AGFG1: variants seen among roughly 807,000 people sequenced by gnomAD.
The protein encoded by AGFG1 is ArfGAP with FG repeats 1.
AGFG1 carries 10 observed loss-of-function variants against 60.6 expected under a neutral mutation model. The ratio of observed to expected loss-of-function variants is 0.16; its 90% CI spans 0.10 to 0.28. The LOEUF is 0.28. Ranked by LOEUF, AGFG1 falls within the 10% of genes least tolerant of loss-of-function variation. The pLI is 1.00. For synonymous variants in AGFG1, 247 were observed against 242.9 expected, an observed-to-expected ratio of 1.02 and a Z score of -0.16; for missense variants, 537 against 676.5, an observed-to-expected ratio of 0.79 and a Z score of 2.29.
chr2:227,476,195 A>G (rs962992901), intron 1 of AGFG1, among the ~76,000 whole-genome samples: 5 of 152,232 alleles, frequency 3.3e-5, no homozygotes, highest in African/African-American at 1.2e-4. Flanking sequence ...ACTGAGGCAG[A>G]ATGATGAAGG....
Position 227,557,410 on chromosome 2 carries a change from G to GTA in AGFG1, c.*2916_*2917dup. The GTA allele has an allele frequency of 6.6e-6, 1 of 152,040 alleles. No homozygotes were observed. The highest frequency in any genetic ancestry group is 6.6e-5 in the Admixed American group (1 of 15,250). 9.4% of individuals were successfully genotyped at this position (152,040 alleles called of 1,614,324 possible). ...CCCCCCTGCACACACACCCACTTTA[G>GTA]TACAGTTCCTGTCAATTGGCAACAT... On this transcript the variant is annotated 3_prime_UTR_variant, in exon 13 of 13. Transcript: ENST00000310078.
Position 227,561,193 on chromosome 2 carries a change from T to C in AGFG1, c.*6698T>C, listed in dbSNP as rs560114136. ...ACTGTTGGAAGAATTTTTTTCAAAA[T>C]AAAGACTTCTGAATTTGTGTACCAT... On this transcript the variant is annotated 3_prime_UTR_variant, in exon 13 of 13. Coordinates refer to ENST00000310078, the MANE Select transcript of AGFG1 (RefSeq NM_004504.5). 1 of 152,284 alleles carries C rather than the reference T, an allele frequency of 6.6e-6. No individual in the cohort carries two copies. Among genetic ancestry groups the C allele is most frequent in the African/African-American group, 2.4e-5 (1 of 41,588 alleles). 9.4% of individuals were successfully genotyped at this position (152,284 alleles called of 1,614,324 possible).
At chr2:227,521,228 G>A (rs1691817228) in intron 3 of AGFG1, among the ~76,000 whole-genome samples, 1 of 152,092 alleles carries the variant, frequency 6.6e-6, no homozygotes, top group Admixed American at 6.5e-5. Context: ...ACCACGCCTG[G>A]CTAATTTTTT....
At chr2:227,530,831 C>T (rs1393202843) in intron 5 of AGFG1, among the ~76,000 whole-genome samples, 1 of 152,068 alleles carries the variant, frequency 6.6e-6, no homozygotes, top group Non-Finnish European at 1.5e-5. Flanking sequence ...TAGTACTGTG[C>T]TTGAGGTCAT....
Position 227,525,229 on chromosome 2 carries a change from A to G in AGFG1, c.694+314A>G, listed in dbSNP as rs565400870. Among the ~76,000 whole-genome samples the G allele has an allele frequency of 2.2e-4, 34 of 152,298 alleles. No homozygotes were observed. In the South Asian group the frequency reaches 6.6e-3, roughly 30 times the overall value. On this transcript the variant is annotated intron_variant, in intron 5 of 12. Transcript: ENST00000310078. ...ATACTCTAACGTTTATGTGCTAATC[A>G]CTCATGGCTAATCTTGTTTCATTTG...
intron 2 of AGFG1, among the ~76,000 whole-genome samples, chr2:227,496,233 A>C (rs1450314751): frequency 6.6e-6 from 1 of 152,164 alleles, no homozygotes; most frequent in Admixed American, 6.5e-5. Context: ...CTGGATTAAA[A>C]ACAAAACAAA....
At chr2:227,524,261 T>A (rs1369534996) in intron 4 of AGFG1, among the ~76,000 whole-genome samples, 1 of 152,086 alleles carries the variant, frequency 6.6e-6, no homozygotes, top group Non-Finnish European at 1.5e-5. Flanking sequence ...ATGGTGACCA[T>A]CAGAGTTAGA....
At chr2:227,486,882 T>C (rs552418029) in intron 1 of AGFG1, among the ~76,000 whole-genome samples, 1 of 152,330 alleles carries the variant, frequency 6.6e-6, no homozygotes, top group South Asian at 2.1e-4. Flanking sequence ...TGAAGGGTGC[T>C]ACTGACATTT....
intron 2 of AGFG1, among the ~76,000 whole-genome samples, chr2:227,511,344 A>T (rs1279476814): frequency 6.6e-6 from 1 of 152,178 alleles, no homozygotes. Context: ...GGGTTGGCAC[A>T]CTTTTTCTGT....
At chr2:227,477,104 G>A (rs1488055499) in intron 1 of AGFG1, among the ~76,000 whole-genome samples, 1 of 152,102 alleles carries the variant, frequency 6.6e-6, no homozygotes, top group East Asian at 1.9e-4. Context: ...GTTTCGCCAT[G>A]TTGGCCAGGC....
At position 227,557,765 on chromosome 2, in the gene AGFG1, C is replaced by G. The variant is rs888534817; in HGVS notation, c.*3270C>G. The G allele has an allele frequency of 2.0e-5, 3 of 152,172 alleles. No individual in the cohort carries two copies. The highest frequency in any genetic ancestry group is 4.4e-5 in the Non-Finnish European group (3 of 68,036). 9.4% of individuals were successfully genotyped at this position (152,172 alleles called of 1,614,324 possible). ...CAGTGAGATTTTCATGCTGCTTTTG[C>G]ATTCCAACTTAAAAATTACACAGCA... On this transcript the variant is annotated 3_prime_UTR_variant, in exon 13 of 13. Coordinates refer to ENST00000310078, the MANE Select transcript of AGFG1 (RefSeq NM_004504.5).
chr2:227,554,917 A>G lies in AGFG1; in HGVS notation c.*422A>G, dbSNP rs1692927872. On this transcript the variant is annotated 3_prime_UTR_variant, in exon 13 of 13. Transcript: ENST00000310078. ...TCATATATCTTGGAATGAATGACCT[A>G]AAATCATTTTAACCATTGCTACTGG... 2 of 153,490 alleles carry G rather than the reference A, an allele frequency of 1.3e-5. No individual in the cohort carries two copies. Among genetic ancestry groups the G allele is most frequent in the Admixed American group, 1.3e-4 (2 of 15,370 alleles). 9.5% of individuals were successfully genotyped at this position (153,490 alleles called of 1,614,324 possible). A position where few individuals can be genotyped will look rare whatever the true frequency, so the allele number is the denominator to read the frequency against.
In AGFG1 at chr2:227,475,488, C is replaced by A. The variant is rs758852408; in HGVS notation, c.167+2900C>A. 1.9e-4 allele frequency among the ~76,000 whole-genome samples: 29 copies of A among 152,068 alleles called. 1 individual carries two copies. The highest frequency in any genetic ancestry group is 3.7e-4 in the Non-Finnish European group (25 of 68,012). On this transcript the variant is annotated intron_variant, in intron 1 of 12. Transcript: ENST00000310078. The stretch of plus-strand genomic sequence containing the variant: ...TGTCTACTGCAGAACGTTGGAGGGA[C>A]AATAGCTTCTGAAGATTTTTTTCTT...
chr2:227,500,576 C>G (rs1691122813), intron 2 of AGFG1, among the ~76,000 whole-genome samples: 1 of 152,212 alleles, frequency 6.6e-6, no homozygotes, highest in South Asian at 2.1e-4. Context: ...CTGTTTTCGT[C>G]CCCTCCTCCA....
At chr2:227,547,672 A>G (rs1004485366) in intron 10 of AGFG1, among the ~76,000 whole-genome samples, 1 of 152,240 alleles carries the variant, frequency 6.6e-6, no homozygotes, top group African/African-American at 2.4e-5. Context: ...ACAGATGGCC[A>G]ATAAAAGAAA....
intron 1 of AGFG1, among the ~76,000 whole-genome samples, chr2:227,481,274 C>T (rs1690454912): frequency 6.6e-6 from 1 of 151,962 alleles, no homozygotes; most frequent in African/African-American, 2.4e-5. Flanking sequence ...TTAGATAATC[C>T]TCCAGCTTTC....
intron 10 of AGFG1, among the ~76,000 whole-genome samples, chr2:227,537,290 A>T (rs898379970): frequency 6.6e-6 from 1 of 152,188 alleles, no homozygotes; most frequent in African/African-American, 2.4e-5. Flanking sequence ...TATGACAGAG[A>T]TAGGACTTGA....
At chr2:227,491,091 A>G (rs766474241) in intron 1 of AGFG1, among the ~76,000 whole-genome samples, 1 of 152,164 alleles carries the variant, frequency 6.6e-6, no homozygotes, top group South Asian at 2.1e-4. Context: ...AGTTTTCTAA[A>G]TTAGTCTTAA....
intron 5 of AGFG1, among the ~76,000 whole-genome samples, chr2:227,528,827 G>A (rs1274659069): frequency 1.3e-5 from 2 of 152,142 alleles, no homozygotes; most frequent in South Asian, 2.1e-4. Flanking sequence ...CCCTTAAAAT[G>A]CACTTTGAAA....
Sources: gnomAD v4.1 joint callset for allele counts (sites outside exome capture counted in the v4.1 genomes callset) on GRCh38, gnomAD v4.1.1 for gene constraint, MANE v1.5 for transcripts, NCBI Gene and HGNC (gene_info 2026-07-23, HGNC 2026-07-21) for gene names.